CHAC2: variants seen among roughly 807,000 people sequenced by gnomAD.
The protein encoded by CHAC2 is ChaC glutathione specific gamma-glutamylcyclotransferase 2.
CHAC2 carries 20 observed loss-of-function variants against 16.9 expected under a neutral mutation model. The observed-to-expected ratio is 1.18, with a 90% CI of 0.83 to 1.72. The LOEUF (loss-of-function observed/expected upper bound fraction) is 1.72. Ranked by LOEUF, CHAC2 falls within the 40% of genes most tolerant of loss-of-function variation. The pLI is 0.00. For synonymous variants in CHAC2, 91 were observed against 77.3 expected, an observed-to-expected ratio of 1.18 and a Z score of -0.93; for missense variants, 269 against 222.2, an observed-to-expected ratio of 1.21 and a Z score of -1.34.
Position 53,767,808 on chromosome 2 carries a change from G to A in CHAC2, c.-79G>A. 1 of 1,523,136 alleles carries A rather than the reference G, an allele frequency of 6.6e-7. No individual in the cohort carries two copies. The highest frequency in any genetic ancestry group is 1.2e-5 in the South Asian group (1 of 81,950). The allele number at this position is 1,523,136 out of a possible 1,614,324, so 94.4% of individuals were successfully genotyped here. A position where few individuals can be genotyped will look rare whatever the true frequency, so the allele number is the denominator to read the frequency against. Reference sequence around the variant, plus strand: ...CTGCGCCCCGCGCGGCCGGTTACTCGCTTACCGGAGGCTTCAGTCCCCGGC... The same window carrying A: ...CTGCGCCCCGCGCGGCCGGTTACTCACTTACCGGAGGCTTCAGTCCCCGGC... On this transcript the variant is annotated 5_prime_UTR_variant, in exon 1 of 3. Transcript: ENST00000295304.
At chr2:53,769,726 G>A (rs1191799723) in intron 1 of CHAC2, among the ~76,000 whole-genome samples, 2 of 152,312 alleles carry the variant, frequency 1.3e-5, no homozygotes, top group East Asian at 3.9e-4. Flanking sequence ...CACGCCAGTA[G>A]AGTCCCAGCT....
At chr2:53,773,241 T>C (rs1674070459) in intron 2 of CHAC2, among the ~76,000 whole-genome samples, 1 of 151,852 alleles carries the variant, frequency 6.6e-6, no homozygotes. Flanking sequence ...GAAAGGCTCA[T>C]ATTTTTCATT....
At chr2:53,767,800 G>A (rs1573000973), upstream of CHAC2, 23 of 1,506,604 alleles carry the variant, frequency 1.5e-5, no homozygotes, top group Non-Finnish European at 2.1e-5. Context: ...CCGCGCGGCC[G>A]GTTACTCGCT....
intron 2 of CHAC2, among the ~76,000 whole-genome samples, chr2:53,773,730 A>G (rs1277674325): frequency 6.6e-6 from 1 of 151,012 alleles, no homozygotes; most frequent in Non-Finnish European, 1.5e-5. Flanking sequence ...CTCCTGGCCC[A>G]CTTTTAAAAA....
chr2:53,772,054 A>C, intron 2 of CHAC2, 112 bp downstream of exon 2: 1 of 654,220 alleles, frequency 1.5e-6, no homozygotes, highest in Non-Finnish European at 2.6e-6. Context: ...CCCTAAATTT[A>C]GAATTCTTCT....
Position 53,767,831 on chromosome 2 carries a change from G to T in CHAC2, c.-56G>T. 1 of 1,554,708 alleles carries T rather than the reference G, an allele frequency of 6.4e-7. No homozygotes were observed. Reference sequence around the variant, plus strand: ...TCGCTTACCGGAGGCTTCAGTCCCCGGCGGCGCGGCGACAGCTAGGGTTCA... The same window carrying T: ...TCGCTTACCGGAGGCTTCAGTCCCCTGCGGCGCGGCGACAGCTAGGGTTCA... On this transcript the variant is annotated 5_prime_UTR_variant, in exon 1 of 3. Coordinates refer to ENST00000295304, the MANE Select transcript of CHAC2 (RefSeq NM_001008708.4).
chr2:53,767,860 C>T lies in CHAC2; in HGVS notation c.-27C>T, dbSNP rs749938453. On this transcript the variant is annotated 5_prime_UTR_variant, in exon 1 of 3. Transcript: ENST00000295304. ...GCGCGGCGACAGCTAGGGTTCACGG[C>T]CACTGGGGCAGAGGAGCCGCGAGAA... 1.9e-5 allele frequency: 30 copies of T among 1,589,364 alleles called. No individual in the cohort carries two copies. The highest frequency in any genetic ancestry group is 2.5e-5 in the Non-Finnish European group (29 of 1,167,750).
In CHAC2 at chr2:53,774,419, A is replaced by G; in HGVS notation, c.449A>G (p.Asn150Ser). The change falls in exon 3 of 3, where the codon AAT becomes AGT. Residue 150 changes from asparagine (N) to serine (S), a missense_variant. Physicochemically the swap from Asn to Ser is conservative, Grantham distance 46. Transcript: ENST00000295304. ...ACAGAATATCTTTTTGAACTTGCAA[A>G]TTCTATTAGGAACCTTGTGCCAGAA... ...RNTEYLFELA[N>S]SIRNLVPEEA... 6.2e-7 allele frequency: 1 copy of G among 1,612,608 alleles called. No homozygotes were observed. The highest frequency in any genetic ancestry group is 8.5e-7 in the Non-Finnish European group (1 of 1,179,754).
At chr2:53,768,042 C>G in intron 1 of CHAC2, 21 bp downstream of exon 1, 1 of 1,611,322 alleles carries the variant, frequency 6.2e-7, no homozygotes, top group Non-Finnish European at 8.5e-7. Flanking sequence ...GGTCAGCTCC[C>G]CACACTTACT....
chr2:53,771,765 TAAAAAATAACTATGCTTAAGAA>T, intron 1 of CHAC2, 120 bp from the exon 2 acceptor site: 1 of 675,320 alleles, frequency 1.5e-6, no homozygotes, highest in Non-Finnish European at 2.7e-6. Flanking sequence ...AGCTTTATCA[TAAAAAATAACTATGCTTAAGAA>T]ATAGTGCTTC....
At chr2:53,769,778 G>A (rs1290931235) in intron 1 of CHAC2, among the ~76,000 whole-genome samples, 2 of 152,158 alleles carry the variant, frequency 1.3e-5, no homozygotes, top group African/African-American at 4.8e-5. Context: ...GGAGGCAGAC[G>A]TTGCGGTGAG....
In CHAC2 at chr2:53,774,383, G is replaced by A; in HGVS notation, c.413G>A (p.Ser138Asn). The A allele has an allele frequency of 6.2e-7, 1 of 1,613,588 alleles. No individual in the cohort carries two copies. Among genetic ancestry groups the A allele is most frequent in the South Asian group, 1.1e-5 (1 of 90,796 alleles). ...AEQIFNAAGP[S>N]GRNTEYLFEL... ...CAAATTTTTAATGCAGCTGGTCCAA[G>A]TGGAAGAAATACAGAATATCTTTTT... is the stretch of plus-strand genomic sequence containing the variant. Residue 138 changes from serine to asparagine, a missense_variant, in exon 3 of 3, where the codon AGT (serine) becomes AAT (asparagine). Coordinates refer to ENST00000295304, the MANE Select transcript of CHAC2 (RefSeq NM_001008708.4).
rs373655274 is a variant in CHAC2 at position 53,774,556 on chromosome 2, C to T, written c.*31C>T. The stretch of plus-strand genomic sequence containing the variant: ...TCTTCAGAGAATTAACTTCAGTGCA[C>T]AATGACAATATGATTTGGAAATACG... On this transcript the variant is annotated 3_prime_UTR_variant, in exon 3 of 3. Transcript: ENST00000295304. 4.7e-5 allele frequency: 68 copies of T among 1,436,386 alleles called. No individual in the cohort carries two copies. In the African/African-American group the frequency reaches 9.0e-4, roughly 19 times the overall value. The allele number at this position is 1,436,386 out of a possible 1,614,324, so 89.0% of individuals were successfully genotyped here. A position where few individuals can be genotyped will look rare whatever the true frequency, so the allele number is the denominator to read the frequency against.
At position 53,774,849 on chromosome 2, in the gene CHAC2, GA is replaced by G. The variant is rs1674222679; in HGVS notation, c.*327del. 1 of 191,588 alleles carries G rather than the reference GA, an allele frequency of 5.2e-6. No individual in the cohort carries two copies. Among genetic ancestry groups the G allele is most frequent in the Admixed American group, 5.7e-5 (1 of 17,532 alleles). The allele number at this position is 191,588 out of a possible 1,614,324, so 11.9% of individuals were successfully genotyped here. ...CTGTTTCACATCCCAATACTATTTT[GA>G]AATTCTAAACAATTAAACCAAAATT... On this transcript the variant is annotated 3_prime_UTR_variant, in exon 3 of 3. Transcript: ENST00000295304.
At chr2:53,769,482 T>C (rs546851237) in intron 1 of CHAC2, among the ~76,000 whole-genome samples, 2 of 152,220 alleles carry the variant, frequency 1.3e-5, no homozygotes, top group African/African-American at 4.8e-5. Flanking sequence ...CATTGAGATA[T>C]GTATGCTGTC....
Position 53,767,879 on chromosome 2 carries a change from G to T in CHAC2, c.-8G>T. On this transcript the variant is annotated 5_prime_UTR_variant, in exon 1 of 3. Coordinates refer to ENST00000295304, the MANE Select transcript of CHAC2 (RefSeq NM_001008708.4). ...TCACGGCCACTGGGGCAGAGGAGCC[G>T]CGAGAAGATGTGGGTTTTTGGTTAC... is the stretch of plus-strand genomic sequence containing the variant. 3 of 1,603,970 alleles carry T rather than the reference G, an allele frequency of 1.9e-6. No individual in the cohort carries two copies. In the South Asian group the frequency reaches 3.3e-5, roughly 18 times the overall value.
chr2:53,771,965 T>G (rs1383290242), intron 2 of CHAC2, 23 bp downstream of exon 2: 1 of 1,298,166 alleles, frequency 7.7e-7, no homozygotes, highest in East Asian at 2.4e-5. Context: ...TATTCTTTTT[T>G]GTATAATTTT....
At chr2:53,772,186 G>GT (rs113833338) in intron 2 of CHAC2, among the ~76,000 whole-genome samples, 25,594 of 151,780 alleles carry the variant, frequency 0.17, 2,637 homozygotes, top group African/African-American at 0.29. Context: ...TTTTTGTGGG[G>GT]TTTTTTGAGA....
chr2:53,768,543 C>T (rs4671583), intron 1 of CHAC2, among the ~76,000 whole-genome samples: 62,957 of 152,058 alleles, frequency 0.41, 13,946 homozygotes, highest in East Asian at 0.62. Context: ...TTCTGACACA[C>T]AGGATTGCAG....
Sources: gnomAD v4.1 joint callset for allele counts (sites outside exome capture counted in the v4.1 genomes callset) on GRCh38, gnomAD v4.1.1 for gene constraint, MANE v1.5 for transcripts, NCBI Gene and HGNC (gene_info 2026-07-23, HGNC 2026-07-21) for gene names.